The following CCDC178 variants were observed in gnomAD, a reference collection of about 807,000 sequenced individuals.
The protein encoded by CCDC178 is coiled-coil domain-containing protein 178.
Under a neutral mutation model 117.4 loss-of-function variants are expected in CCDC178, and 126 were observed. The ratio of observed to expected loss-of-function variants is 1.07; its 90% CI spans 0.93 to 1.24. CCDC178 has a LOEUF of 1.24. Among genes scored for constraint, CCDC178 ranks in the 50% most tolerant of loss-of-function variants. CCDC178 has a pLI of 0.00. For synonymous variants in CCDC178, 283 were observed against 313.4 expected (o/e 0.90, Z 1.02); for missense variants, 1,030 against 986.9 (o/e 1.04, Z -0.59).
chr18:33,224,411 T>C (rs1218335027), intron 17 of CCDC178, among the ~76,000 whole-genome samples: 1 of 152,324 alleles, frequency 6.6e-6, no homozygotes, highest in Admixed American at 6.5e-5. Context: ...AAATTTACCA[T>C]GAAAATGTCA....
chr18:33,097,421 C>A (rs891676651), intron 20 of CCDC178, among the ~76,000 whole-genome samples: 1 of 152,138 alleles, frequency 6.6e-6, no homozygotes, highest in South Asian at 2.1e-4. Context: ...ACATGCCATC[C>A]CCGCTCGGCC....
intron 12 of CCDC178, among the ~76,000 whole-genome samples, chr18:33,286,163 T>TG (rs112505551): frequency 0.071 from 10,781 of 151,712 alleles, 588 homozygotes; most frequent in African/African-American, 0.15. Flanking sequence ...TTAGTAGGGA[T>TG]GGGGGGTTTC....
At chr18:33,215,457 C>A (rs2059153307) in intron 19 of CCDC178, 93 bp downstream of exon 19, 2 of 764,204 alleles carry the variant, frequency 2.6e-6, no homozygotes, top group South Asian at 2.8e-5. Context: ...AAAATACGAA[C>A]CATTTTAAGA....
At chr18:33,203,763 C>T (rs1857065461) in intron 20 of CCDC178, among the ~76,000 whole-genome samples, 1 of 152,186 alleles carries the variant, frequency 6.6e-6, no homozygotes, top group Admixed American at 6.5e-5. Flanking sequence ...CTAGCCTCAC[C>T]TATCATCCTC....
intron 14 of CCDC178, among the ~76,000 whole-genome samples, chr18:33,253,925 A>G (rs1163103697): frequency 6.6e-6 from 1 of 151,938 alleles, no homozygotes; most frequent in Non-Finnish European, 1.5e-5. Flanking sequence ...AATTGAGGGT[A>G]ATATATACAT....
intron 7 of CCDC178, among the ~76,000 whole-genome samples, chr18:33,354,504 T>C (rs1466090624): frequency 2.0e-5 from 3 of 152,160 alleles, no homozygotes; most frequent in East Asian, 1.9e-4. Context: ...ATAATCTCTA[T>C]TAACTTATCA....
intron 15 of CCDC178, among the ~76,000 whole-genome samples, chr18:33,241,111 T>C (rs759334738): frequency 1.3e-5 from 2 of 151,938 alleles, no homozygotes; most frequent in African/African-American, 2.4e-5. Context: ...GTTATCTTAA[T>C]AGATGCAGAA....
chr18:33,112,038 G>A (rs907339336), intron 20 of CCDC178, among the ~76,000 whole-genome samples: 2 of 151,672 alleles, frequency 1.3e-5, no homozygotes, highest in African/African-American at 2.4e-5. Flanking sequence ...TCAAATCAAT[G>A]AGACTTTAAT....
intron 3 of CCDC178, among the ~76,000 whole-genome samples, chr18:33,402,245 T>C (rs2063718201): frequency 2.6e-5 from 4 of 152,234 alleles, no homozygotes; most frequent in Admixed American, 6.5e-5. Context: ...AAAGGCGAAA[T>C]TGTCAAAATC....
In CCDC178 at chr18:32,974,610, C is replaced by G. The variant is rs2054995288; in HGVS notation, c.2460G>C (p.Gln820His). Reference sequence around the variant, plus strand: ...CTGTCTGGAAGTTGGCCAGCCTCATCTGGCTGAAGAGGACCACCAGTTTGA... The same window carrying G: ...CTGTCTGGAAGTTGGCCAGCCTCATGTGGCTGAAGAGGACCACCAGTTTGA... ...EHFKLVVLFS[Q>H]MRLANFQTDS... The change falls in exon 22 of 23, where the codon CAG becomes CAC. Residue 820 changes from glutamine to histidine, a missense_variant. Physicochemically the swap from Gln to His is conservative, Grantham distance 24 (BLOSUM62 0). Transcript: ENST00000383096. 6.2e-7 allele frequency: 1 copy of G among 1,613,562 alleles called. No homozygotes were observed. The highest frequency in any genetic ancestry group is 8.5e-7 in the Non-Finnish European group (1 of 1,179,802).
intron 21 of CCDC178, among the ~76,000 whole-genome samples, chr18:33,042,711 A>G (rs2056571912): frequency 1.3e-5 from 2 of 151,940 alleles, no homozygotes; most frequent in Admixed American, 1.3e-4. Flanking sequence ...AAATGCACTG[A>G]AAAATTATGA....
chr18:33,256,633 C>T (rs932020538), intron 14 of CCDC178, among the ~76,000 whole-genome samples: 3 of 152,064 alleles, frequency 2.0e-5, no homozygotes, highest in Non-Finnish European at 4.4e-5. Flanking sequence ...TATAGATCAT[C>T]TGCCATTATC....
intron 21 of CCDC178, among the ~76,000 whole-genome samples, chr18:33,044,814 A>G (rs2056613244): frequency 6.6e-6 from 1 of 152,204 alleles, no homozygotes; most frequent in South Asian, 2.1e-4. Flanking sequence ...CTACAGTGGA[A>G]TACTACTGAT....
chr18:33,177,206 G>C (rs1333214666), intron 20 of CCDC178, among the ~76,000 whole-genome samples: 2 of 152,052 alleles, frequency 1.3e-5, no homozygotes, highest in Admixed American at 1.3e-4. Context: ...GGGACTGTCA[G>C]GGGGTTGAGG....
chr18:33,296,517 G>A (rs2062108134), intron 11 of CCDC178, among the ~76,000 whole-genome samples: 1 of 152,106 alleles, frequency 6.6e-6, no homozygotes, highest in African/African-American at 2.4e-5. Context: ...CCCATTGGAA[G>A]AAGCTGGAGG....
Position 32,967,497 on chromosome 18 carries a change from C to CT in CCDC178, c.2523+7049dup, listed in dbSNP as rs577455457. On this transcript the variant is annotated intron_variant, in intron 22 of 22. Transcript: ENST00000383096. Reference sequence around the variant, plus strand: ...CATTTTAAAATTGAAATTCTTTATTCTTTTTTTTTTCCAGGATCTTCATTC... The same window carrying CT: ...CATTTTAAAATTGAAATTCTTTATTCTTTTTTTTTTTCCAGGATCTTCATTC... Among the ~76,000 whole-genome samples the CT allele has an allele frequency of 2.1e-3, 315 of 147,488 alleles. 2 individuals are homozygous for CT. The highest frequency in any genetic ancestry group is 0.011 in the Middle Eastern group (3 of 278).
At chr18:33,369,697 T>C (rs1356782712) in intron 6 of CCDC178, among the ~76,000 whole-genome samples, 2 of 151,982 alleles carry the variant, frequency 1.3e-5, no homozygotes, top group Non-Finnish European at 2.9e-5. Context: ...ACTGTCCTTT[T>C]ATACACCAAT....
At chr18:33,331,150 T>A (rs936640149) in intron 10 of CCDC178, among the ~76,000 whole-genome samples, 5 of 148,636 alleles carry the variant, frequency 3.4e-5, no homozygotes, top group Admixed American at 1.4e-4. Flanking sequence ...CCAAGTTCAC[T>A]ATCAGTGAAA....
At chr18:33,006,078 C>T (rs1013148049) in intron 21 of CCDC178, among the ~76,000 whole-genome samples, 7 of 152,000 alleles carry the variant, frequency 4.6e-5, no homozygotes, top group African/African-American at 7.2e-5. Context: ...GGATCTGTGA[C>T]ATTCGTTTGG....
Sources: allele counts gnomAD v4.1 joint callset (sites outside exome capture counted in the v4.1 genomes callset), GRCh38; gene constraint gnomAD v4.1.1; transcripts MANE v1.5; gene names NCBI Gene and HGNC (gene_info 2026-07-23, HGNC 2026-07-21).